Variants in CGGBP1 observed in about 807,000 individuals in gnomAD.
CGGBP1 encodes the protein CGG triplet repeat binding protein 1, also known as CGG triplet repeat-binding protein 1.
Under a neutral mutation model 11.4 loss-of-function variants are expected in CGGBP1, and 4 were observed. The ratio of observed to expected loss-of-function variants is 0.35; its 90% CI spans 0.17 to 0.80. The LOEUF (loss-of-function observed/expected upper bound fraction) is 0.80. CGGBP1 is among the 30% of genes least tolerant of loss of function. The pLI is 0.52. For missense variants in CGGBP1, 135 were observed against 202.1 expected (o/e 0.67, Z 2.01); for synonymous variants, 76 against 74.1 (o/e 1.03, Z -0.13).
intron 2 of CGGBP1, among the ~76,000 whole-genome samples, chr3:88,093,330 G>C (rs911563400): frequency 1.3e-5 from 2 of 152,112 alleles, no homozygotes; most frequent in Non-Finnish European, 2.9e-5. Context: ...TTACATAAAA[G>C]AAAAGCAAAT....
chr3:88,119,323 G>T (rs1158120547), intron 2 of CGGBP1, among the ~76,000 whole-genome samples: 290 of 139,182 alleles, frequency 2.1e-3, no homozygotes, highest in Middle Eastern at 4.1e-3. Context: ...CTCATAGGTG[G>T]GAATTGAACA....
chr3:88,132,639 G>C (rs1706533778), intron 2 of CGGBP1, among the ~76,000 whole-genome samples: 1 of 152,158 alleles, frequency 6.6e-6, no homozygotes, highest in Admixed American at 6.5e-5. Context: ...CATAGTGGTA[G>C]TCTTCTCTTG....
rs1432565180 is a variant in CGGBP1 at position 88,052,426 on chromosome 3, T to C, written c.*3047A>G. Reference sequence around the variant, plus strand: ...GGTAAGTCAAACCACAGAGAGCCCTTACAAAGACTAAGCACCAAATGATGA... The same window carrying C: ...GGTAAGTCAAACCACAGAGAGCCCTCACAAAGACTAAGCACCAAATGATGA... On this transcript the variant is annotated 3_prime_UTR_variant, in exon 4 of 4. Coordinates refer to ENST00000482016, the MANE Select transcript of CGGBP1 (RefSeq NM_001008390.2). 2 of 152,648 alleles carry C rather than the reference T, an allele frequency of 1.3e-5. No homozygotes were observed. Among genetic ancestry groups the C allele is most frequent in the African/African-American group, 4.8e-5 (2 of 41,466 alleles). 9.5% of individuals were successfully genotyped at this position (152,648 alleles called of 1,614,324 possible).
At chr3:88,129,643 G>T in intron 2 of CGGBP1, 1 of 1,330,186 alleles carries the variant, frequency 7.5e-7, no homozygotes, top group Non-Finnish European at 9.8e-7. Flanking sequence ...TAGCTTCTTA[G>T]ATATTTTTAA....
Position 88,052,800 on chromosome 3 carries a change from T to C in CGGBP1, c.*2673A>G, listed in dbSNP as rs1200182006. On this transcript the variant is annotated 3_prime_UTR_variant, in exon 4 of 4. Coordinates refer to ENST00000482016, the MANE Select transcript of CGGBP1 (RefSeq NM_001008390.2). Reference sequence around the variant, plus strand: ...ACAATCTTTCTTAATTTTCACCTTGTAAGAAATGATTACAATGTCCTTCAG... The same window carrying C: ...ACAATCTTTCTTAATTTTCACCTTGCAAGAAATGATTACAATGTCCTTCAG... 6.6e-6 allele frequency: 1 copy of C among 152,592 alleles called. No individual in the cohort carries two copies. Among genetic ancestry groups the C allele is most frequent in the Non-Finnish European group, 1.5e-5 (1 of 68,010 alleles). 9.5% of individuals were successfully genotyped at this position (152,592 alleles called of 1,614,324 possible). A position where few individuals can be genotyped will look rare whatever the true frequency, so the allele number is the denominator to read the frequency against.
rs766787013 is a variant in CGGBP1 at position 88,114,113 on chromosome 3, CAG to C, written c.-229+26855_-229+26856del. Among the ~76,000 whole-genome samples, 9 of 152,092 alleles carry C rather than the reference CAG, an allele frequency of 5.9e-5. 1 individual carries two copies. In the South Asian group the frequency reaches 8.3e-4, roughly 14 times the overall value. ...CTAAGAAAAACAGTAGTAAGCAAAA[CAG>C]AAAAAATCTTCCTATTGTGGAGTTA... On this transcript the variant is annotated intron_variant, in intron 2 of 3. Transcript: ENST00000462901.
At chr3:88,114,702 C>T (rs1251283457) in intron 2 of CGGBP1, among the ~76,000 whole-genome samples, 1 of 152,146 alleles carries the variant, frequency 6.6e-6, no homozygotes, top group African/African-American at 2.4e-5. Context: ...CTTTTGCTGT[C>T]ATGTTATCTT....
intron 2 of CGGBP1, among the ~76,000 whole-genome samples, chr3:88,119,568 A>T (rs1431732015): frequency 6.6e-6 from 1 of 151,960 alleles, no homozygotes; most frequent in Non-Finnish European, 1.5e-5. Flanking sequence ...AAAAACAATA[A>T]TTATTGGAGA....
At chr3:88,059,145 T>G (rs146514820), upstream of CGGBP1, 485 of 1,271,308 alleles carry the variant, frequency 3.8e-4, 2 homozygotes, top group African/African-American at 5.5e-3. Context: ...CGTCTTCCAA[T>G]AAAAACTGGG....
At chr3:88,146,494 CAG>C (rs1707315191) in intron 1 of CGGBP1, among the ~76,000 whole-genome samples, 2 of 152,034 alleles carry the variant, frequency 1.3e-5, no homozygotes, top group Non-Finnish European at 2.9e-5. Context: ...ACTACCAGAA[CAG>C]AATTTGATGG....
intron 2 of CGGBP1, among the ~76,000 whole-genome samples, chr3:88,083,019 C>T (rs1465438301): frequency 1.3e-5 from 2 of 151,460 alleles, no homozygotes; most frequent in Non-Finnish European, 2.9e-5. Flanking sequence ...CCTTTTCCTC[C>T]CTCCCCCTCC....
intron 2 of CGGBP1, among the ~76,000 whole-genome samples, chr3:88,123,175 C>T (rs1035630227): frequency 6.6e-5 from 10 of 151,966 alleles, no homozygotes; most frequent in Non-Finnish European, 1.2e-4. Flanking sequence ...ATTTAAGGAA[C>T]GAGGAGCCAA....
intron 2 of CGGBP1, chr3:88,138,858 T>G: frequency 8.1e-7 from 1 of 1,232,094 alleles, no homozygotes; most frequent in Non-Finnish European, 1.0e-6. Context: ...TTGTGCACTC[T>G]CAATATTTTT....
At chr3:88,100,155 G>A (rs1347999817) in intron 2 of CGGBP1, among the ~76,000 whole-genome samples, 1 of 152,178 alleles carries the variant, frequency 6.6e-6, no homozygotes, top group Non-Finnish European at 1.5e-5. Context: ...CCATCAGAAA[G>A]TGGGTGCCGG....
intron 2 of CGGBP1, among the ~76,000 whole-genome samples, chr3:88,134,365 T>G (rs747556498): frequency 1.8e-4 from 28 of 152,126 alleles, no homozygotes; most frequent in Non-Finnish European, 4.0e-4. Context: ...TATGATGCTT[T>G]GTACACTTTT....
chr3:88,126,373 T>C, intron 2 of CGGBP1: 1 of 1,170,180 alleles, frequency 8.5e-7, no homozygotes, highest in Non-Finnish European at 1.1e-6. Context: ...TTTATAATAC[T>C]GAATAATGGG....
At chr3:88,079,536 A>G (rs186520915) in intron 2 of CGGBP1, among the ~76,000 whole-genome samples, 20 of 152,208 alleles carry the variant, frequency 1.3e-4, no homozygotes, top group Admixed American at 1.1e-3. Context: ...TAATAAAGTT[A>G]TCTGTAAAGT....
At chr3:88,095,359 G>T in intron 2 of CGGBP1, 1 of 280,532 alleles carries the variant, frequency 3.6e-6, no homozygotes, top group South Asian at 3.5e-5. Context: ...GAAGAGACAG[G>T]AATGTGAATG....
At chr3:88,115,979 C>T (rs548628225) in intron 2 of CGGBP1, among the ~76,000 whole-genome samples, 335 of 152,108 alleles carry the variant, frequency 2.2e-3, no homozygotes, top group Non-Finnish European at 3.7e-3. Context: ...TGACTGAATG[C>T]GATGAAACAG....
Sources: allele counts gnomAD v4.1 joint callset (sites outside exome capture counted in the v4.1 genomes callset), GRCh38; gene constraint gnomAD v4.1.1; transcripts MANE v1.5; gene names NCBI Gene and HGNC (gene_info 2026-07-23, HGNC 2026-07-21).